Variants in CD4 observed in about 807,000 individuals in gnomAD.
The protein encoded by CD4 is CD4 molecule.
CD4 carries 25 observed loss-of-function variants against 50.5 expected under a neutral mutation model. The observed-to-expected ratio is 0.49, with a 90% CI of 0.36 to 0.69. The LOEUF (loss-of-function observed/expected upper bound fraction) is 0.69, where lower values mean the gene tolerates loss of function less well. Ranked by LOEUF, CD4 falls within the 30% of genes least tolerant of loss-of-function variation. The pLI, the probability that CD4 is intolerant of heterozygous loss-of-function variation, is 0.00. For missense variants in CD4, 456 were observed against 548.5 expected (o/e 0.83, Z 1.68); for synonymous variants, 207 against 221.9 (o/e 0.93, Z 0.60).
chr12:6,792,057 C>G lies in CD4; in HGVS notation c.-68+2395C>G, dbSNP rs1220661348. Among the ~76,000 whole-genome samples, 3 of 152,144 alleles carry G rather than the reference C, an allele frequency of 2.0e-5. No individual in the cohort carries two copies. Among genetic ancestry groups the G allele is most frequent in the Non-Finnish European group, 4.4e-5 (3 of 68,034 alleles). On this transcript the variant is annotated intron_variant, in intron 1 of 9. Coordinates refer to ENST00000011653, the MANE Select transcript of CD4 (RefSeq NM_000616.5). The surrounding 1 kb of genome is among the most constrained non-coding windows in gnomAD (Gnocchi z 4.1). ...AGAGGATGGCGGAGGTTGCAGCCAC[C>G]AACCACAAGAGTTCCTTAGAGGGGT...
At chr12:6,793,811 A>G (rs1056378280) in intron 1 of CD4, among the ~76,000 whole-genome samples, 1 of 149,978 alleles carries the variant, frequency 6.7e-6, no homozygotes, top group African/African-American at 2.5e-5. Flanking sequence ...CACCATCCCC[A>G]GCTAATTTTT....
Position 6,791,262 on chromosome 12 carries a change from A to C in CD4, c.-68+1600A>C, listed in dbSNP as rs542139317. 6.6e-5 allele frequency among the ~76,000 whole-genome samples: 10 copies of C among 152,278 alleles called. No homozygotes were observed. The East Asian group carries it at 1.5e-3, about 24-fold the overall frequency. ...GTTTTATTTTTTATTATTATTTTTG[A>C]GACGGAGTCTCGCTCTCTTGCCCAG... On this transcript the variant is annotated intron_variant, in intron 1 of 9. Transcript: ENST00000011653.
chr12:6,819,685 G>A lies in CD4; in HGVS notation c.*356G>A, dbSNP rs1327898046. 3.1e-6 allele frequency: 1 copy of A among 318,958 alleles called. No homozygotes were observed. The highest frequency in any genetic ancestry group is 5.9e-6 in the Non-Finnish European group (1 of 169,196). The allele number at this position is 318,958 out of a possible 1,614,324, so 19.8% of individuals were successfully genotyped here. On this transcript the variant is annotated 3_prime_UTR_variant, in exon 10 of 10. Transcript: ENST00000011653. Reference sequence around the variant, plus strand: ...GTGAGGCTGGGTGTCTGGAAGCATGGAGCATGGGACTGTTCTTTTACAAGA... The same window carrying A: ...GTGAGGCTGGGTGTCTGGAAGCATGAAGCATGGGACTGTTCTTTTACAAGA...
At position 6,819,311 on chromosome 12, in the gene CD4, G is replaced by A. The variant is rs201360325; in HGVS notation, c.1359G>A (p.Lys453=). Reference sequence around the variant, plus strand: ...TTTGTTCCTGCAGCCGGTTTCAGAAGACATGTAGCCCCATTTGAGGCACGA... The same window carrying A: ...TTTGTTCCTGCAGCCGGTTTCAGAAAACATGTAGCCCCATTTGAGGCACGA... The part of the protein sequence containing the change: ...KTCQCPHRFQ[K]TCSPI Residue 453 remains lysine, a synonymous_variant, in exon 10 of 10, where the codon AAG becomes AAA. Coordinates refer to ENST00000011653, the MANE Select transcript of CD4 (RefSeq NM_000616.5). The A allele has an allele frequency of 6.2e-7, 1 of 1,614,146 alleles. No homozygotes were observed. Among genetic ancestry groups the A allele is most frequent in the South Asian group, 1.1e-5 (1 of 91,086 alleles).
chr12:6,793,226 G>A (rs1748528348), intron 1 of CD4, among the ~76,000 whole-genome samples: 1 of 152,180 alleles, frequency 6.6e-6, no homozygotes, highest in Non-Finnish European at 1.5e-5. Flanking sequence ...GGGAGCTGGA[G>A]GCAGGGAGGT....
intron 1 of CD4, among the ~76,000 whole-genome samples, chr12:6,791,508 G>A (rs533871569): frequency 8.2e-4 from 125 of 152,316 alleles, no homozygotes; most frequent in African/African-American, 3.0e-3. Context: ...CTCCCAAAGT[G>A]CTGGCATTAC....
At chr12:6,802,367 G>A (rs1942591021) in intron 3 of CD4, among the ~76,000 whole-genome samples, 1 of 150,394 alleles carries the variant, frequency 6.6e-6, no homozygotes, top group African/African-American at 2.5e-5. Flanking sequence ...CTGCTGCCCA[G>A]GCTGGAGTAC....
intron 2 of CD4, 59 bp from the exon 3 acceptor site, chr12:6,800,248 G>A (rs1329937934): frequency 1.9e-6 from 3 of 1,612,640 alleles, no homozygotes; most frequent in Non-Finnish European, 2.5e-6. Flanking sequence ...AAAGGTGGAG[G>A]ATGGGGTAGA....
chr12:6,807,908 G>A (rs1005566535), intron 3 of CD4, among the ~76,000 whole-genome samples: 16 of 151,456 alleles, frequency 1.1e-4, no homozygotes, highest in South Asian at 4.2e-4. Context: ...TGGCAAAACC[G>A]GTCTCTACTA....
At chr12:6,812,005 C>T (rs930649930) in intron 3 of CD4, among the ~76,000 whole-genome samples, 16 of 151,948 alleles carry the variant, frequency 1.1e-4, no homozygotes, top group African/African-American at 3.4e-4. Flanking sequence ...TTTTTAGAGA[C>T]GAGGGTCTCG....
rs1942511506 is a variant in CD4 at position 6,800,480 on chromosome 12, G to C, written c.214+9G>C. 1 of 1,609,020 alleles carries C rather than the reference G, an allele frequency of 6.2e-7. No homozygotes were observed. The highest frequency in any genetic ancestry group is 1.1e-5 in the South Asian group (1 of 90,490). On this transcript the variant is annotated intron_variant, in intron 3 of 9. Transcript: ENST00000011653. ...CTCCTTCTTAACTAAAGGTAGGGTT[G>C]CCTGGCTCCCCATCCAGGGAGGAAA...
Position 6,806,373 on chromosome 12 carries a change from C to G in CD4, c.214+5902C>G, listed in dbSNP as rs782129896. On this transcript the variant is annotated intron_variant, in intron 3 of 9. Transcript: ENST00000011653. ...AGGCTGGGTGCACCTGTATTCCCAACGACACAGGAGGCTGAGGTGGGAGAA... is the reference window on the plus strand; with the variant it reads ...AGGCTGGGTGCACCTGTATTCCCAAGGACACAGGAGGCTGAGGTGGGAGAA... Among the ~76,000 whole-genome samples, 4 of 151,782 alleles carry G rather than the reference C, an allele frequency of 2.6e-5. No individual in the cohort carries two copies. In the South Asian group the frequency reaches 8.3e-4, roughly 32 times the overall value.
At chr12:6,814,333 C>T in intron 4 of CD4, 33 bp downstream of exon 4, 3 of 1,596,728 alleles carry the variant, frequency 1.9e-6, no homozygotes, top group Non-Finnish European at 2.6e-6. Flanking sequence ...AGGATACCTC[C>T]TGCCTGGTTC....
At chr12:6,797,525 C>G (rs548347498) in intron 1 of CD4, among the ~76,000 whole-genome samples, 14 of 152,134 alleles carry the variant, frequency 9.2e-5, no homozygotes, top group Non-Finnish European at 1.9e-4. Context: ...GGGACCGGCG[C>G]TCAGCAAGTG....
At chr12:6,802,767 C>T (rs1555115553) in intron 3 of CD4, among the ~76,000 whole-genome samples, 1 of 152,008 alleles carries the variant, frequency 6.6e-6, no homozygotes, top group South Asian at 2.1e-4. Flanking sequence ...GACGGAGTCT[C>T]GGTCTGTCAC....
At chr12:6,817,882 T>C (rs1458184560) in intron 7 of CD4, among the ~76,000 whole-genome samples, 2 of 142,352 alleles carry the variant, frequency 1.4e-5, no homozygotes, top group African/African-American at 5.5e-5. Flanking sequence ...CACACACACT[T>C]ACACATTCAC....
intron 5 of CD4, chr12:6,815,821 G>A (rs951385116): frequency 2.7e-6 from 4 of 1,476,464 alleles, no homozygotes; most frequent in Non-Finnish European, 3.6e-6. Context: ...TGGCTGGGCT[G>A]CTCTGTGATG....
chr12:6,817,869 GCA>G lies in CD4; in HGVS notation c.1157-542_1157-541del, dbSNP rs201788794. Among the ~76,000 whole-genome samples the G allele has an allele frequency of 8.9e-3, 1,301 of 146,850 alleles. 19 individuals are homozygous for G. The highest frequency in any genetic ancestry group is 0.071 in the East Asian group (348 of 4,906). On this transcript the variant is annotated intron_variant, in intron 7 of 9. Coordinates refer to ENST00000011653, the MANE Select transcript of CD4 (RefSeq NM_000616.5). ...CACACACATGTACTCACACATGCATGCACACACACACTTACACATTCACGCAC... is the reference window on the plus strand; with the variant it reads ...CACACACATGTACTCACACATGCATGCACACACACTTACACATTCACGCAC...
chr12:6,793,982 C>CTATCTATCTATCTATA (rs754535818), intron 1 of CD4, among the ~76,000 whole-genome samples: 1 of 151,394 alleles, frequency 6.6e-6, no homozygotes, highest in African/African-American at 2.4e-5. Context: ...ATCTATCTAT[C>CTATCTATCTATCTATA]TATCTATCTA....
Sources: allele counts gnomAD v4.1 joint callset (sites outside exome capture counted in the v4.1 genomes callset), GRCh38; gene constraint gnomAD v4.1.1; non-coding constraint Gnocchi (gnomAD v3.1); transcripts MANE v1.5; gene names NCBI Gene and HGNC (gene_info 2026-07-23, HGNC 2026-07-21).